The following KCNH7 variants were observed in gnomAD, a reference collection of about 807,000 sequenced individuals.
KCNH7 encodes the protein voltage-gated inwardly rectifying potassium channel KCNH7.
A neutral mutation model predicts 120.8 loss-of-function variants in KCNH7; 49 were observed. That is an observed-to-expected ratio of 0.41 (90% confidence interval 0.32 to 0.51). The LOEUF (loss-of-function observed/expected upper bound fraction) is 0.51, where lower values mean the gene tolerates loss of function less well. Among genes scored for constraint, KCNH7 ranks in the 20% least tolerant of loss-of-function variants. KCNH7 has a pLI of 0.38. For synonymous variants in KCNH7, 547 were observed against 516.1 expected, an observed-to-expected ratio of 1.06 and a Z score of -0.81; for missense variants, 1,097 against 1,446.6, an observed-to-expected ratio of 0.76 and a Z score of 3.92.
At chr2:162,438,339 T>C (rs115168759) in intron 7 of KCNH7, among the ~76,000 whole-genome samples, 331 of 152,286 alleles carry the variant, frequency 2.2e-3, no homozygotes, top group African/African-American at 7.3e-3. Context: ...ATGTTTCTTC[T>C]AGCATTCTAT....
intron 6 of KCNH7, among the ~76,000 whole-genome samples, chr2:162,482,000 T>A (rs372381587): frequency 2.1e-3 from 273 of 127,004 alleles, no homozygotes; most frequent in African/African-American, 6.4e-3. Context: ...ATCATCAATC[T>A]ATCTATTATC....
In KCNH7 at chr2:162,435,498, G is replaced by A. The variant is rs768284468; in HGVS notation, c.1654C>T (p.Leu552=). The A allele has an allele frequency of 3.7e-6, 6 of 1,613,766 alleles. No individual in the cohort carries two copies. Among genetic ancestry groups the A allele is most frequent in the East Asian group, 4.5e-5 (2 of 44,854 alleles). ...GCAAAGATGCACATTAAGAGCATTA[G>A]AACAGCAGCGCCATATTCTGAATAT... The part of the protein sequence containing the change: ...DRYSEYGAAV[L]MLLMCIFALI... The change falls in exon 8 of 16, where the codon CTA becomes TTA. Residue 552 remains leucine (L), a synonymous_variant. Transcript: ENST00000332142.
intron 2 of KCNH7, among the ~76,000 whole-genome samples, chr2:162,611,722 T>G (rs1682972556): frequency 6.6e-6 from 1 of 152,196 alleles, no homozygotes; most frequent in Non-Finnish European, 1.5e-5. Context: ...ACCTGCAATT[T>G]TACCTCACAA....
intron 2 of KCNH7, among the ~76,000 whole-genome samples, chr2:162,587,503 C>T (rs775762923): frequency 2.6e-5 from 4 of 151,892 alleles, no homozygotes; most frequent in Non-Finnish European, 5.9e-5. Flanking sequence ...AAGCCTCTGT[C>T]CTTATAGCAT....
At chr2:162,451,416 T>C (rs1165153034) in intron 6 of KCNH7, among the ~76,000 whole-genome samples, 5 of 152,090 alleles carry the variant, frequency 3.3e-5, no homozygotes, top group African/African-American at 9.7e-5. Context: ...ATTGTTTTAG[T>C]TATCTATTCC....
At chr2:162,755,240 G>C (rs1322884200) in intron 2 of KCNH7, among the ~76,000 whole-genome samples, 2 of 152,094 alleles carry the variant, frequency 1.3e-5, no homozygotes, top group African/African-American at 4.8e-5. Context: ...GGCCAAGGCA[G>C]GTGGATTACC....
rs1261519207 is a variant in KCNH7, at chr2:162,371,974, T to G, written c.3446A>C (p.Asp1149Ala). The G allele has an allele frequency of 8.7e-6, 14 of 1,613,842 alleles. No homozygotes were observed. Among genetic ancestry groups the G allele is most frequent in the Non-Finnish European group, 1.2e-5 (14 of 1,179,864 alleles). ...NLTSLLKQDS[D>A]LSLELHLRQR... The stretch of plus-strand genomic sequence containing the variant: ...CCGCAGGTGAAGCTCTAAAGAGAGA[T>G]CACTGTCTTGTTTTAAAAGTGAAGT... Residue 1149 changes from aspartate (D) to alanine (A), a missense_variant, in exon 16 of 16, where the codon GAT (aspartate) becomes GCT (alanine). By Grantham distance (126) the Asp-to-Ala change is moderately radical. Transcript: ENST00000332142.
intron 2 of KCNH7, among the ~76,000 whole-genome samples, chr2:162,539,106 T>C (rs1692212683): frequency 6.6e-6 from 1 of 152,138 alleles, no homozygotes. Context: ...GCACTTGTCA[T>C]AGTTTCCATG....
chr2:162,493,187 C>T (rs1164333915), intron 6 of KCNH7, among the ~76,000 whole-genome samples: 1 of 152,054 alleles, frequency 6.6e-6, no homozygotes, highest in East Asian at 1.9e-4. Context: ...GAGAGCTATA[C>T]CCTGAGTCCA....
rs866617559 is a variant in KCNH7, at chr2:162,552,196, C to T, written c.308-15116G>A. On this transcript the variant is annotated intron_variant, in intron 2 of 15. Transcript: ENST00000332142. Reference sequence around the variant, plus strand: ...CAGACTAAGAAGTCTCCATAACTACCTTGCTTACTGGCTCTGCTCTAATAG... The same window carrying T: ...CAGACTAAGAAGTCTCCATAACTACTTTGCTTACTGGCTCTGCTCTAATAG... Among the ~76,000 whole-genome samples, 5 of 152,284 alleles carry T rather than the reference C, an allele frequency of 3.3e-5. No homozygotes were observed. The Middle Eastern group carries it at 0.01, about 313-fold the overall frequency.
chr2:162,463,887 G>T (rs1298599409), intron 6 of KCNH7, among the ~76,000 whole-genome samples: 5 of 150,898 alleles, frequency 3.3e-5, no homozygotes, highest in Non-Finnish European at 7.4e-5. Context: ...AAAAATATTA[G>T]GTTTTAATTA....
intron 6 of KCNH7, among the ~76,000 whole-genome samples, chr2:162,474,807 G>A (rs1322599490): frequency 6.6e-6 from 1 of 151,806 alleles, no homozygotes; most frequent in African/African-American, 2.4e-5. Flanking sequence ...CTTGGAAACA[G>A]ATCATCCCTT....
At chr2:162,490,667 G>A (rs1690269132) in intron 6 of KCNH7, among the ~76,000 whole-genome samples, 1 of 152,120 alleles carries the variant, frequency 6.6e-6, no homozygotes, top group African/African-American at 2.4e-5. Flanking sequence ...CAGCTACAGA[G>A]GACAGGATGC....
At chr2:162,615,637 A>G (rs997271859) in intron 2 of KCNH7, among the ~76,000 whole-genome samples, 4 of 152,226 alleles carry the variant, frequency 2.6e-5, no homozygotes, top group Non-Finnish European at 5.9e-5. Flanking sequence ...ACTTTTAATT[A>G]TAATTACTTA....
Position 162,442,359 on chromosome 2 carries a change from C to T in KCNH7, c.1554+3659G>A, listed in dbSNP as rs569177590. On this transcript the variant is annotated intron_variant, in intron 7 of 15. Transcript: ENST00000332142. Reference sequence around the variant, plus strand: ...TCTTCTTTAGTAAAAACGTATACGCCAATATATCCTCTTAGCATTTATTAA... The same window carrying T: ...TCTTCTTTAGTAAAAACGTATACGCTAATATATCCTCTTAGCATTTATTAA... 9.9e-5 allele frequency among the ~76,000 whole-genome samples: 15 copies of T among 151,822 alleles called. No individual in the cohort carries two copies. In the South Asian group the frequency reaches 2.9e-3, roughly 29 times the overall value.
At chr2:162,570,218 A>G (rs1013552670) in intron 2 of KCNH7, among the ~76,000 whole-genome samples, 1 of 149,206 alleles carries the variant, frequency 6.7e-6, no homozygotes, top group African/African-American at 2.5e-5. Context: ...GTGCTCCTGT[A>G]TTGGGTGCAT....
chr2:162,518,059 G>C lies in KCNH7; in HGVS notation c.563C>G (p.Ser188Cys). ...GGCTACTGAATCATCACTGTGTTTA[G>C]ATGAATCGATGACCACCACATCGGG... is the stretch of plus-strand genomic sequence containing the variant. The part of the protein sequence containing the change: ...EDPDVVVIDS[S>C]KHSDDSVAMK... The change falls in exon 4 of 16, where the codon TCT becomes TGT. Residue 188 changes from serine to cysteine, a missense_variant. Transcript: ENST00000332142. The C allele has an allele frequency of 6.2e-7, 1 of 1,612,448 alleles. No individual in the cohort carries two copies. The highest frequency in any genetic ancestry group is 8.5e-7 in the Non-Finnish European group (1 of 1,178,898).
At position 162,646,529 on chromosome 2, in the gene KCNH7, C is replaced by T. The variant is rs553378614; in HGVS notation, c.308-109449G>A. Among the ~76,000 whole-genome samples, 3 of 152,256 alleles carry T rather than the reference C, an allele frequency of 2.0e-5. No homozygotes were observed. In the South Asian group the frequency reaches 6.2e-4, roughly 32 times the overall value. On this transcript the variant is annotated intron_variant, in intron 2 of 15. Transcript: ENST00000332142. The stretch of plus-strand genomic sequence containing the variant: ...CATGGCATAGCTAAGCATAGCTAAC[C>T]TTAAGATGAGAAGTTTATTCAATGA...
intron 2 of KCNH7, among the ~76,000 whole-genome samples, chr2:162,571,365 A>G: frequency 6.6e-6 from 1 of 151,798 alleles, no homozygotes; most frequent in East Asian, 1.9e-4. Flanking sequence ...TTCAAGGAGA[A>G]CTACAAACCA....
Sources: gnomAD v4.1 joint callset for allele counts (sites outside exome capture counted in the v4.1 genomes callset) on GRCh38, gnomAD v4.1.1 for gene constraint, MANE v1.5 for transcripts, NCBI Gene and HGNC (gene_info 2026-07-23, HGNC 2026-07-21) for gene names.